Variants in UBE2G1 observed in about 807,000 individuals in gnomAD.
UBE2G1 encodes ubiquitin conjugating enzyme E2 G1.
UBE2G1 carries 5 observed loss-of-function variants against 22.7 expected under a neutral mutation model. The ratio of observed to expected loss-of-function variants is 0.22; its 90% confidence interval spans 0.12 to 0.46. The LOEUF is 0.46. UBE2G1 is among the 20% of genes least tolerant of loss of function. The probability of loss-of-function intolerance (pLI) is 0.99; values close to 1 mark genes in which losing one functional copy is unlikely to be tolerated. For synonymous variants in UBE2G1, 74 were observed against 67.5 expected, an observed-to-expected ratio of 1.10 and a Z score of -0.47; for missense variants, 88 against 203.9, an observed-to-expected ratio of 0.43 and a Z score of 3.46.
intron 2 of UBE2G1, chr17:4,302,256 G>A (rs528244034): frequency 1.2e-4 from 57 of 468,630 alleles, no homozygotes; most frequent in South Asian, 7.9e-4. Context: ...CCACACCCCA[G>A]TATTTGGGCT....
chr17:4,302,478 G>A (rs984493154), intron 2 of UBE2G1: 4 of 484,188 alleles, frequency 8.3e-6, no homozygotes, highest in Admixed American at 2.1e-5. Context: ...ATGGCTTCAC[G>A]CACTCCATTC....
At chr17:4,321,001 G>T (rs923185054) in intron 1 of UBE2G1, among the ~76,000 whole-genome samples, 1 of 152,132 alleles carries the variant, frequency 6.6e-6, no homozygotes, top group Non-Finnish European at 1.5e-5. Flanking sequence ...AAACAATGCT[G>T]CCATTGCCAG....
chr17:4,283,789 G>T (rs1200576554), intron 4 of UBE2G1, among the ~76,000 whole-genome samples: 1 of 152,086 alleles, frequency 6.6e-6, no homozygotes, highest in Non-Finnish European at 1.5e-5. Flanking sequence ...AGGGAAAAGG[G>T]TCTATTAAAC....
intron 4 of UBE2G1, among the ~76,000 whole-genome samples, chr17:4,288,494 G>A (rs919480305): frequency 6.6e-6 from 1 of 152,040 alleles, no homozygotes; most frequent in African/African-American, 2.4e-5. Context: ...CCAAAGTGCT[G>A]GGATTACAGT....
At chr17:4,323,723 A>AT (rs1969471006) in intron 1 of UBE2G1, among the ~76,000 whole-genome samples, 1 of 152,196 alleles carries the variant, frequency 6.6e-6, no homozygotes, top group Non-Finnish European at 1.5e-5. Flanking sequence ...TCATTTTTAT[A>AT]TTTTTTGTAG....
chr17:4,285,027 G>A (rs1310010132), intron 4 of UBE2G1, among the ~76,000 whole-genome samples: 1 of 151,636 alleles, frequency 6.6e-6, no homozygotes, highest in African/African-American at 2.4e-5. Flanking sequence ...TGTATTTTTT[G>A]TAGATGGGGT....
In UBE2G1 at chr17:4,339,136, AC is replaced by A. The variant is rs561689950; in HGVS notation, c.46+27134del. Among the ~76,000 whole-genome samples the A allele has an allele frequency of 3.9e-5, 6 of 152,288 alleles. No individual in the cohort carries two copies. In the South Asian group the frequency reaches 1.0e-3, roughly 26 times the overall value. ...CGAACGCTTTTTCTTTTCGACATTA[AC>A]ATCATGTTAGATCAAGAGATTAAAC... is the stretch of plus-strand genomic sequence containing the variant. On this transcript the variant is annotated intron_variant, in intron 1 of 5. Transcript: ENST00000396981.
intron 1 of UBE2G1, among the ~76,000 whole-genome samples, chr17:4,344,279 G>A (rs1174927183): frequency 3.3e-5 from 5 of 152,106 alleles, no homozygotes; most frequent in Non-Finnish European, 7.4e-5. Context: ...GGTGGCTCGC[G>A]CCTGTAATCC....
chr17:4,333,376 T>C (rs1969604508), intron 1 of UBE2G1, among the ~76,000 whole-genome samples: 1 of 152,056 alleles, frequency 6.6e-6, no homozygotes, highest in Non-Finnish European at 1.5e-5. Context: ...ACAGCTAAAA[T>C]ATGTAAAATG....
chr17:4,320,947 A>C (rs745421345), intron 1 of UBE2G1, among the ~76,000 whole-genome samples: 2 of 152,174 alleles, frequency 1.3e-5, no homozygotes, highest in African/African-American at 4.8e-5. Context: ...AAAAAAAGAA[A>C]TTATGAATAT....
At chr17:4,362,485 A>G (rs781298286) in intron 1 of UBE2G1, among the ~76,000 whole-genome samples, 4 of 152,172 alleles carry the variant, frequency 2.6e-5, no homozygotes, top group Non-Finnish European at 5.9e-5. Flanking sequence ...GCCCTACAAC[A>G]ATACTCAACC....
intron 3 of UBE2G1, among the ~76,000 whole-genome samples, chr17:4,294,415 C>CAAAAAAAAAAAAA (rs68047533): frequency 8.5e-6 from 1 of 117,178 alleles, no homozygotes; most frequent in African/African-American, 4.4e-5. Context: ...GACTCCGTCT[C>CAAAAAAAAAAAAA]AAAAAAAAAA....
At chr17:4,287,986 C>T (rs1051048511) in intron 4 of UBE2G1, among the ~76,000 whole-genome samples, 1 of 151,978 alleles carries the variant, frequency 6.6e-6, no homozygotes, top group Admixed American at 6.6e-5. Flanking sequence ...ACTACATTAA[C>T]GACAGACTTG....
At chr17:4,330,118 T>C (rs926625200) in intron 1 of UBE2G1, among the ~76,000 whole-genome samples, 1 of 151,984 alleles carries the variant, frequency 6.6e-6, no homozygotes, top group African/African-American at 2.4e-5. Context: ...GAGTCATGCA[T>C]CTACGAAGTT....
chr17:4,272,987 C>T (rs538860340), intron 5 of UBE2G1, among the ~76,000 whole-genome samples: 3 of 152,314 alleles, frequency 2.0e-5, no homozygotes, highest in African/African-American at 7.2e-5. Context: ...AAGATTGCCA[C>T]ACTTCCCAAC....
chr17:4,288,606 TCA>T (rs1968998701), intron 4 of UBE2G1, among the ~76,000 whole-genome samples: 3 of 152,248 alleles, frequency 2.0e-5, no homozygotes, highest in East Asian at 3.9e-4. Context: ...CAAAAAAATT[TCA>T]CAGTTACGAC....
intron 1 of UBE2G1, among the ~76,000 whole-genome samples, chr17:4,339,927 T>C (rs1969692595): frequency 6.6e-6 from 1 of 152,204 alleles, no homozygotes; most frequent in Non-Finnish European, 1.5e-5. Flanking sequence ...CTTTTTCTTT[T>C]CTTTTCCTTC....
intron 1 of UBE2G1, among the ~76,000 whole-genome samples, chr17:4,362,295 A>G (rs557706610): frequency 6.6e-6 from 1 of 152,284 alleles, no homozygotes; most frequent in Admixed American, 6.5e-5. Flanking sequence ...ATTAGCCATA[A>G]TGGTCTTCTC....
At chr17:4,301,580 C>T (rs1281766052) in intron 2 of UBE2G1, 3 of 1,333,672 alleles carry the variant, frequency 2.2e-6, no homozygotes, top group South Asian at 1.2e-5. Context: ...TTTTGTGTTT[C>T]TTTGGTGGCT....
Sources: gnomAD v4.1 joint callset for allele counts (sites outside exome capture counted in the v4.1 genomes callset) on GRCh38, gnomAD v4.1.1 for gene constraint, MANE v1.5 for transcripts, NCBI Gene and HGNC (gene_info 2026-07-23, HGNC 2026-07-21) for gene names.